The following ACOXL variants were observed in gnomAD, a reference collection of about 807,000 sequenced individuals.
ACOXL encodes the protein acyl-CoA oxidase like.
ACOXL carries 70 observed loss-of-function variants against 71.9 expected under a neutral mutation model. The observed-to-expected ratio is 0.97, with a 90% CI of 0.80 to 1.19. ACOXL has a LOEUF of 1.19. ACOXL is among the 50% of genes most tolerant of loss of function. The pLI is 0.00. For synonymous variants in ACOXL, 253 were observed against 281.6 expected (o/e 0.90, Z 1.02); for missense variants, 703 against 736.3 (o/e 0.95, Z 0.52).
At chr2:110,971,493 G>T (rs1184699130) in intron 12 of ACOXL, among the ~76,000 whole-genome samples, 2 of 152,118 alleles carry the variant, frequency 1.3e-5, no homozygotes, top group Non-Finnish European at 2.9e-5. Context: ...TACATTTAAA[G>T]AATTTTGTAA....
At chr2:111,061,185 G>A (rs1287205870) in intron 16 of ACOXL, among the ~76,000 whole-genome samples, 5 of 151,978 alleles carry the variant, frequency 3.3e-5, no homozygotes, top group Admixed American at 3.3e-4. Flanking sequence ...ATGACCAATA[G>A]GATACATCAA....
chr2:111,092,632 C>T (rs533370517), intron 16 of ACOXL, among the ~76,000 whole-genome samples: 75 of 151,956 alleles, frequency 4.9e-4, no homozygotes, highest in African/African-American at 1.6e-3. Context: ...TATGGGAGTT[C>T]GTTATGCTAT....
At chr2:111,069,814 C>T (rs1285857528) in intron 16 of ACOXL, among the ~76,000 whole-genome samples, 3 of 152,130 alleles carry the variant, frequency 2.0e-5, no homozygotes, top group Non-Finnish European at 4.4e-5. Context: ...CCAGTCTACA[C>T]AGTAGGTTAT....
At chr2:111,061,822 T>G (rs2066830620) in intron 16 of ACOXL, among the ~76,000 whole-genome samples, 1 of 151,734 alleles carries the variant, frequency 6.6e-6, no homozygotes, top group African/African-American at 2.4e-5. Flanking sequence ...GAGTAACTAC[T>G]AAAAAACTAC....
At chr2:111,007,669 G>C (rs921490969) in intron 14 of ACOXL, among the ~76,000 whole-genome samples, 12 of 152,254 alleles carry the variant, frequency 7.9e-5, no homozygotes, top group African/African-American at 2.9e-4. Flanking sequence ...TCCAAGGAGA[G>C]CTGGTTCTTT....
At chr2:110,754,512 G>A (rs573866382) in intron 1 of ACOXL, among the ~76,000 whole-genome samples, 2 of 152,266 alleles carry the variant, frequency 1.3e-5, no homozygotes, top group Admixed American at 1.3e-4. Context: ...AGCAGCAACT[G>A]ATATGTTCTC....
intron 2 of ACOXL, among the ~76,000 whole-genome samples, chr2:110,783,095 G>A (rs1224788124): frequency 1.3e-5 from 2 of 152,180 alleles, no homozygotes; most frequent in Non-Finnish European, 2.9e-5. Context: ...TTCTGATAAA[G>A]GATACTGCTC....
At chr2:110,924,730 G>A (rs1040508828) in intron 11 of ACOXL, among the ~76,000 whole-genome samples, 1 of 142,294 alleles carries the variant, frequency 7.0e-6, no homozygotes, top group African/African-American at 2.5e-5. Context: ...ATCCATGAGG[G>A]TTGGAACATC....
intron 14 of ACOXL, among the ~76,000 whole-genome samples, chr2:111,020,982 G>A (rs1182232210): frequency 2.0e-5 from 3 of 152,172 alleles, no homozygotes; most frequent in South Asian, 2.1e-4. Flanking sequence ...CAATGCCATC[G>A]ATCACTTTGG....
At chr2:110,762,062 T>C (rs921856477) in intron 1 of ACOXL, among the ~76,000 whole-genome samples, 6 of 152,218 alleles carry the variant, frequency 3.9e-5, no homozygotes, top group Admixed American at 3.9e-4. Flanking sequence ...ATGTCTTCTT[T>C]GTGGATTGAT....
chr2:110,843,864 A>T (rs536280634), intron 10 of ACOXL, among the ~76,000 whole-genome samples: 1 of 152,320 alleles, frequency 6.6e-6, no homozygotes, highest in Non-Finnish European at 1.5e-5. Context: ...ACAAACAAAA[A>T]TCTCAGTAAG....
At chr2:111,060,064 G>A (rs11684166) in intron 16 of ACOXL, among the ~76,000 whole-genome samples, 26,552 of 152,104 alleles carry the variant, frequency 0.17, 2,562 homozygotes, top group East Asian at 0.45. Flanking sequence ...CCACACTCAC[G>A]AGACTACAAT....
intron 16 of ACOXL, among the ~76,000 whole-genome samples, chr2:111,082,955 G>A (rs529670883): frequency 1.3e-5 from 2 of 152,044 alleles, no homozygotes; most frequent in Admixed American, 1.3e-4. Context: ...AACATCACAT[G>A]TTCTCACTCA....
chr2:110,891,732 TATACAG>T (rs988070521), intron 10 of ACOXL, among the ~76,000 whole-genome samples: 1 of 152,174 alleles, frequency 6.6e-6, no homozygotes, highest in African/African-American at 2.4e-5. Flanking sequence ...AGTACCATCT[TATACAG>T]GTCAGCAAAA....
chr2:111,082,572 G>A (rs1383735475), intron 16 of ACOXL, among the ~76,000 whole-genome samples: 1 of 152,190 alleles, frequency 6.6e-6, no homozygotes, highest in African/African-American at 2.4e-5. Flanking sequence ...TACACTGTTG[G>A]TGGGAGTGTA....
chr2:110,803,430 T>C (rs1221938311), intron 8 of ACOXL, among the ~76,000 whole-genome samples: 4 of 152,236 alleles, frequency 2.6e-5, no homozygotes, highest in Non-Finnish European at 4.4e-5. Context: ...AAGAATAGTC[T>C]TTTTGACAAA....
intron 3 of ACOXL, 78 bp from the exon 4 acceptor site, chr2:110,793,572 T>G: frequency 7.5e-7 from 1 of 1,337,606 alleles, no homozygotes; most frequent in Non-Finnish European, 1.1e-6. Flanking sequence ...GCTCCCTGAT[T>G]GGAGTTTGGC....
In ACOXL at chr2:111,092,995, T is replaced by C. The variant is rs111678004; in HGVS notation, c.1542+29T>C. On this transcript the variant is annotated intron_variant, in intron 17 of 17. Transcript: ENST00000439055. ...AGGTCCCTGGGGTACAGAAAAACAC[T>C]TTGTACATCAGCCCTGGTCTCCTTG... 2,102 of 1,560,486 alleles carry C rather than the reference T, an allele frequency of 1.3e-3. 13 individuals are homozygous for C. The African/African-American group carries it at 0.023, about 17-fold the overall frequency.
intron 12 of ACOXL, among the ~76,000 whole-genome samples, chr2:110,948,288 C>T (rs1410547797): frequency 6.6e-6 from 1 of 152,088 alleles, no homozygotes; most frequent in East Asian, 1.9e-4. Flanking sequence ...AGCGACTGAG[C>T]GATTATATTT....
Sources: gnomAD v4.1 joint callset for allele counts (sites outside exome capture counted in the v4.1 genomes callset) on GRCh38, gnomAD v4.1.1 for gene constraint, MANE v1.5 for transcripts, NCBI Gene and HGNC (gene_info 2026-07-23, HGNC 2026-07-21) for gene names.